Variants in ABCD3 observed in about 807,000 individuals in gnomAD.
ABCD3 encodes the protein ATP-binding cassette sub-family D member 3.
Under a neutral mutation model 105.5 loss-of-function variants are expected in ABCD3, and 41 were observed. The ratio of observed to expected loss-of-function variants is 0.39; its 90% confidence interval spans 0.30 to 0.50. The LOEUF (loss-of-function observed/expected upper bound fraction) is 0.50, where lower values mean the gene tolerates loss of function less well. ABCD3 is among the 20% of genes least tolerant of loss of function. The pLI is 0.84. For missense variants in ABCD3, 622 were observed against 806.3 expected, an observed-to-expected ratio of 0.77 and a Z score of 2.77; for synonymous variants, 258 against 269.0, an observed-to-expected ratio of 0.96 and a Z score of 0.40.
chr1:94,396,437 G>A, the ABCD3 span, among the ~76,000 whole-genome samples: 1 of 152,118 alleles, frequency 6.6e-6, no homozygotes, highest in Non-Finnish European at 1.5e-5. Flanking sequence ...ACTCTCAGGA[G>A]CTTCCAGCAA....
chr1:94,440,100 G>A (rs1660077801), intron 1 of ABCD3, among the ~76,000 whole-genome samples: 1 of 152,156 alleles, frequency 6.6e-6, no homozygotes, highest in Non-Finnish European at 1.5e-5. Context: ...TATCTTGTAG[G>A]AATGTGTTTC....
chr1:94,452,827 C>T (rs1570762886), intron 1 of ABCD3, among the ~76,000 whole-genome samples: 1 of 152,076 alleles, frequency 6.6e-6, no homozygotes, highest in Non-Finnish European at 1.5e-5. Context: ...ACTTCCGCCT[C>T]CCAGGTTCAA....
intron 1 of ABCD3, among the ~76,000 whole-genome samples, chr1:94,453,597 C>T (rs891158364): frequency 2.6e-5 from 4 of 151,956 alleles, no homozygotes; most frequent in African/African-American, 9.7e-5. Context: ...GGATTACAGG[C>T]GTGAGCCACC....
chr1:94,508,318 T>G (rs1650468589), intron 21 of ABCD3, among the ~76,000 whole-genome samples: 3 of 152,192 alleles, frequency 2.0e-5, no homozygotes, highest in Non-Finnish European at 4.4e-5. Context: ...GCGGCGTTAT[T>G]TCTGAGGGCT....
At chr1:94,444,766 G>C (rs2100923126) in intron 1 of ABCD3, among the ~76,000 whole-genome samples, 1 of 152,238 alleles carries the variant, frequency 6.6e-6, no homozygotes, top group East Asian at 1.9e-4. Flanking sequence ...TTTTGTCTAG[G>C]TTCACTTGTA....
At chr1:94,484,498 C>A (rs544292031) in intron 10 of ABCD3, among the ~76,000 whole-genome samples, 58 of 152,244 alleles carry the variant, frequency 3.8e-4, no homozygotes, top group African/African-American at 1.3e-3. Flanking sequence ...GACATGGATG[C>A]AGCTGGCAAC....
At chr1:94,484,599 A>T (rs868739071) in intron 10 of ABCD3, among the ~76,000 whole-genome samples, 3 of 152,074 alleles carry the variant, frequency 2.0e-5, no homozygotes, top group African/African-American at 7.2e-5. Flanking sequence ...GAACACCTGG[A>T]CCCAGGGTGG....
At chr1:94,432,147 C>T (rs978561149) in intron 1 of ABCD3, among the ~76,000 whole-genome samples, 6 of 152,132 alleles carry the variant, frequency 3.9e-5, no homozygotes, top group African/African-American at 9.7e-5. Context: ...TTCTGTTGAG[C>T]GCTATATGTC....
intron 21 of ABCD3, among the ~76,000 whole-genome samples, chr1:94,509,099 T>A (rs1650514615): frequency 6.6e-6 from 1 of 152,178 alleles, no homozygotes; most frequent in African/African-American, 2.4e-5. Flanking sequence ...TTTTGCCCAT[T>A]CAGTATGATA....
In ABCD3 at chr1:94,489,994, CT is replaced by C. The variant is rs1557684396; in HGVS notation, c.1322+23del. ...TTATAAAGTACGTACAGAAAAAGGT[CT>C]TTTAGCACCATAAATGTTTGTTAAA... On this transcript the variant is annotated intron_variant, in intron 15 of 22. Coordinates refer to ENST00000370214, the MANE Select transcript of ABCD3 (RefSeq NM_002858.4). 2.5e-6 allele frequency: 4 copies of C among 1,593,316 alleles called. No homozygotes were observed. The highest frequency in any genetic ancestry group is 3.4e-6 in the Non-Finnish European group (4 of 1,161,666).
intron 13 of ABCD3, among the ~76,000 whole-genome samples, chr1:94,488,714 T>C (rs148414207): frequency 3.3e-5 from 5 of 152,230 alleles, no homozygotes; most frequent in Non-Finnish European, 5.9e-5. Flanking sequence ...GAGTAGAGTC[T>C]CTTTCATGAG....
chr1:94,510,470 A>T (rs1650604023), intron 21 of ABCD3, among the ~76,000 whole-genome samples: 1 of 152,118 alleles, frequency 6.6e-6, no homozygotes, highest in South Asian at 2.1e-4. Flanking sequence ...TATTCTGTTG[A>T]TTTGGGGTGG....
chr1:94,460,579 G>C (rs1298514070), intron 2 of ABCD3, among the ~76,000 whole-genome samples: 1 of 152,072 alleles, frequency 6.6e-6, no homozygotes, highest in African/African-American at 2.4e-5. Flanking sequence ...CTGCATATCA[G>C]CTAGTATGCT....
At position 94,511,059 on chromosome 1, in the gene ABCD3, G is replaced by A. The variant is rs1045550114; in HGVS notation, c.1846-4087G>A. ...ATGATGTTAGCTGGTTATTTTGCTC[G>A]TTAGTTCATGCAGTTTCTTCCTAGT... On this transcript the variant is annotated intron_variant, in intron 21 of 22. Transcript: ENST00000370214. Among the ~76,000 whole-genome samples, 11 of 151,598 alleles carry A rather than the reference G, an allele frequency of 7.3e-5. No homozygotes were observed. The East Asian group carries it at 9.7e-4, about 13-fold the overall frequency.
chr1:94,483,749 T>C (rs1327416529), intron 10 of ABCD3, among the ~76,000 whole-genome samples: 2 of 152,152 alleles, frequency 1.3e-5, no homozygotes, highest in East Asian at 3.9e-4. Flanking sequence ...ACTTCATGTC[T>C]AAAACACCAA....
rs115006547 is a variant in ABCD3 at position 94,485,706 on chromosome 1, A to G, written c.898-1836A>G. Among the ~76,000 whole-genome samples the G allele has an allele frequency of 8.8e-3, 1,342 of 152,202 alleles. 5 individuals are homozygous for G. The highest frequency in any genetic ancestry group is 0.014 in the Non-Finnish European group (986 of 68,014). On this transcript the variant is annotated intron_variant, in intron 10 of 22. Coordinates refer to ENST00000370214, the MANE Select transcript of ABCD3 (RefSeq NM_002858.4). Reference sequence around the variant, plus strand: ...AAAAGTATATATATATTTGCAGTCAACCCTCTGCATCTGTGGGTTCCAAAT... The same window carrying G: ...AAAAGTATATATATATTTGCAGTCAGCCCTCTGCATCTGTGGGTTCCAAAT...
At chr1:94,415,906 T>A (rs1658992075), upstream of ABCD3, among the ~76,000 whole-genome samples, 1 of 152,226 alleles carries the variant, frequency 6.6e-6, no homozygotes, top group African/African-American at 2.4e-5. Context: ...TCTTTTGCTG[T>A]AGCAAATTAA....
the ABCD3 span, among the ~76,000 whole-genome samples, chr1:94,385,984 T>G: frequency 6.6e-6 from 1 of 152,230 alleles, no homozygotes; most frequent in Non-Finnish European, 1.5e-5. Flanking sequence ...TACTATAGTT[T>G]CCAAATTTTT....
At chr1:94,393,398 G>A in the ABCD3 span, among the ~76,000 whole-genome samples, 1 of 152,078 alleles carries the variant, frequency 6.6e-6, no homozygotes, top group African/African-American at 2.4e-5. Flanking sequence ...CAGCACTTTG[G>A]GAGGCTGAGG....
Sources: allele counts gnomAD v4.1 joint callset (sites outside exome capture counted in the v4.1 genomes callset), GRCh38; gene constraint gnomAD v4.1.1; transcripts MANE v1.5; gene names NCBI Gene and HGNC (gene_info 2026-07-23, HGNC 2026-07-21).